The following SGCD variants were observed in gnomAD, a reference collection of about 807,000 sequenced individuals.
SGCD encodes sarcoglycan delta, also known as delta-sarcoglycan.
SGCD carries 18 observed loss-of-function variants against 36.6 expected under a neutral mutation model. That is an observed-to-expected ratio of 0.49 (90% CI 0.34 to 0.73). The LOEUF is 0.73. Ranked by LOEUF, SGCD falls within the 30% of genes least tolerant of loss-of-function variation. The pLI is 0.01. For synonymous variants in SGCD, 133 were observed against 130.6 expected (o/e 1.02, Z -0.12); for missense variants, 387 against 346.7 (o/e 1.12, Z -0.92).
At chr5:155,932,219 G>A (rs889202861) in intron 1 of SGCD, among the ~76,000 whole-genome samples, 3 of 152,142 alleles carry the variant, frequency 2.0e-5, no homozygotes, top group South Asian at 2.1e-4. Context: ...CCCACAGCAC[G>A]ATACTCTTTT....
intron 3 of SGCD, among the ~76,000 whole-genome samples, chr5:156,401,515 TAA>T (rs536245210): frequency 3.9e-5 from 6 of 152,172 alleles, no homozygotes; most frequent in Non-Finnish European, 8.8e-5. Context: ...GCCATGCAGT[TAA>T]GAGATAATGA....
At chr5:156,553,788 C>G (rs1758890968) in intron 4 of SGCD, among the ~76,000 whole-genome samples, 1 of 152,148 alleles carries the variant, frequency 6.6e-6, no homozygotes, top group Non-Finnish European at 1.5e-5. Context: ...TATATCTGTA[C>G]TTCATTGCTT....
chr5:156,516,227 C>CCT (rs757491351), intron 4 of SGCD, among the ~76,000 whole-genome samples: 19 of 152,062 alleles, frequency 1.2e-4, no homozygotes, highest in Non-Finnish European at 2.6e-4. Context: ...TGAGACCCCC[C>CCT]ACACACACAC....
chr5:156,380,134 T>G (rs115847013), intron 3 of SGCD, among the ~76,000 whole-genome samples: 1,947 of 152,240 alleles, frequency 0.013, 46 homozygotes, highest in African/African-American at 0.045. Flanking sequence ...AATTTTCTGT[T>G]CTTGGTTGAA....
chr5:156,125,230 A>G (rs1762141449), intron 3 of SGCD, among the ~76,000 whole-genome samples: 1 of 152,200 alleles, frequency 6.6e-6, no homozygotes. Context: ...TGGGAGAACA[A>G]TGTAGGTGAG....
chr5:155,800,380 T>C, the SGCD span, among the ~76,000 whole-genome samples: 1 of 152,226 alleles, frequency 6.6e-6, no homozygotes, highest in Non-Finnish European at 1.5e-5. Flanking sequence ...ATATACTCTC[T>C]CAGTTACTGC....
chr5:155,923,288 C>T (rs1756927406), intron 1 of SGCD, among the ~76,000 whole-genome samples: 2 of 152,108 alleles, frequency 1.3e-5, no homozygotes, highest in Admixed American at 6.6e-5. Flanking sequence ...GGGGTATATG[C>T]TGAAATGTAT....
intron 1 of SGCD, among the ~76,000 whole-genome samples, chr5:156,328,638 C>T (rs575759491): frequency 4.3e-4 from 65 of 152,036 alleles, no homozygotes; most frequent in Non-Finnish European, 1.8e-4. Flanking sequence ...TTTCAGCCAG[C>T]GATTTTCTTT....
At chr5:156,257,953 C>T (rs1364049629) in intron 3 of SGCD, among the ~76,000 whole-genome samples, 1 of 152,084 alleles carries the variant, frequency 6.6e-6, no homozygotes, top group Non-Finnish European at 1.5e-5. Flanking sequence ...AAGTATTCAT[C>T]TTTTGAATAA....
chr5:156,319,809 C>T (rs2127695741), intron 3 of SGCD, among the ~76,000 whole-genome samples: 1 of 152,318 alleles, frequency 6.6e-6, no homozygotes, highest in African/African-American at 2.4e-5. Context: ...GACTTGATGA[C>T]ATATTATTTC....
chr5:155,791,478 T>C, the SGCD span, among the ~76,000 whole-genome samples: 1 of 152,180 alleles, frequency 6.6e-6, no homozygotes. Flanking sequence ...TATCTCTCTT[T>C]GCTGATGATA....
At chr5:156,316,227 A>G (rs572741985) in intron 3 of SGCD, among the ~76,000 whole-genome samples, 7 of 152,002 alleles carry the variant, frequency 4.6e-5, no homozygotes, top group Non-Finnish European at 8.8e-5. Context: ...AGCATCAAAA[A>G]TATAACTAGA....
intron 3 of SGCD, among the ~76,000 whole-genome samples, chr5:156,290,985 C>A (rs1360701001): frequency 6.6e-6 from 1 of 152,094 alleles, no homozygotes; most frequent in Non-Finnish European, 1.5e-5. Flanking sequence ...TCTAGGACCC[C>A]TGTGGATAAC....
At chr5:156,354,957 A>C (rs962760990) in intron 3 of SGCD, among the ~76,000 whole-genome samples, 6 of 152,246 alleles carry the variant, frequency 3.9e-5, no homozygotes, top group African/African-American at 1.2e-4. Context: ...TTCTAGGTTC[A>C]GAGTTGTTTG....
chr5:156,676,541 G>T (rs137963931), intron 7 of SGCD, among the ~76,000 whole-genome samples: 1 of 152,268 alleles, frequency 6.6e-6, no homozygotes, highest in Non-Finnish European at 1.5e-5. Context: ...TTGAAACAGG[G>T]TTGAGGGCTT....
rs75642205 is a variant in SGCD at position 156,690,603 on chromosome 5, T to C, written c.575+43067T>C. ...TCATCTGCTTAGATGTGAGAGTTGA[T>C]GCCATAATAATAAAAGTTATTGTCA... is the stretch of plus-strand genomic sequence containing the variant. On this transcript the variant is annotated intron_variant, in intron 7 of 8. Transcript: ENST00000337851. Among the ~76,000 whole-genome samples the C allele has an allele frequency of 5.3e-3, 809 of 152,206 alleles. 13 individuals carry two copies. Among genetic ancestry groups the C allele is most frequent in the African/African-American group, 0.018 (763 of 41,548 alleles).
chr5:156,068,616 A>G (rs1244664702), intron 1 of SGCD, among the ~76,000 whole-genome samples: 1 of 151,808 alleles, frequency 6.6e-6, no homozygotes, highest in Admixed American at 6.6e-5. Context: ...AGCATGATTT[A>G]TAGTCCTTTG....
intron 1 of SGCD, among the ~76,000 whole-genome samples, chr5:156,102,348 G>A (rs1285326322): frequency 6.6e-6 from 1 of 152,028 alleles, no homozygotes; most frequent in East Asian, 1.9e-4. Flanking sequence ...TTGCCCTCCA[G>A]ATGCAAATAA....
chr5:155,893,922 C>T (rs2113323042), intron 1 of SGCD, among the ~76,000 whole-genome samples: 1 of 152,338 alleles, frequency 6.6e-6, no homozygotes, highest in Non-Finnish European at 1.5e-5. Flanking sequence ...GTACTGAATA[C>T]TTCAGGCAAT....
Sources: gnomAD v4.1 joint callset for allele counts (sites outside exome capture counted in the v4.1 genomes callset) on GRCh38, gnomAD v4.1.1 for gene constraint, MANE v1.5 for transcripts, NCBI Gene and HGNC (gene_info 2026-07-23, HGNC 2026-07-21) for gene names.